The following MERTK variants were observed in gnomAD, a reference collection of about 807,000 sequenced individuals.
The protein encoded by MERTK is MER proto-oncogene, tyrosine kinase.
In MERTK, 69 loss-of-function variants were observed where a neutral mutation model predicts 99.3. The observed-to-expected ratio is 0.70, with a 90% CI of 0.57 to 0.85. The LOEUF is 0.85. MERTK is among the 40% of genes least tolerant of loss of function. MERTK has a pLI of 0.00. For synonymous variants in MERTK, 426 were observed against 467.6 expected (o/e 0.91, Z 1.15); for missense variants, 1,125 against 1,249.4 (o/e 0.90, Z 1.50).
At chr2:111,947,269 T>TGCCC in intron 3 of MERTK, 125 bp from the exon 4 acceptor site, 9 of 635,400 alleles carry the variant, frequency 1.4e-5, no homozygotes, top group Non-Finnish European at 2.2e-5. Context: ...CAAGACTCCA[T>TGCCC]CCCCACCCGC....
chr2:111,963,858 A>G (rs1386433879), intron 4 of MERTK, among the ~76,000 whole-genome samples: 2 of 151,882 alleles, frequency 1.3e-5, no homozygotes, highest in Non-Finnish European at 2.9e-5. Flanking sequence ...ATGTCCCACA[A>G]TTTAGAACTG....
chr2:111,918,304 C>T (rs1479105150), intron 1 of MERTK, among the ~76,000 whole-genome samples: 1 of 152,200 alleles, frequency 6.6e-6, no homozygotes, highest in East Asian at 1.9e-4. Context: ...GAGATAGTCA[C>T]ATTTTAAAAG....
intron 1 of MERTK, among the ~76,000 whole-genome samples, chr2:111,918,414 A>G (rs557245520): frequency 6.6e-6 from 1 of 152,250 alleles, no homozygotes; most frequent in South Asian, 2.1e-4. Flanking sequence ...GGAAAAGTTA[A>G]CATGAACTGA....
At chr2:112,010,742 A>G (rs1047431256) in intron 15 of MERTK, among the ~76,000 whole-genome samples, 5 of 152,262 alleles carry the variant, frequency 3.3e-5, no homozygotes, top group African/African-American at 9.6e-5. Flanking sequence ...AGGCCTCCTT[A>G]TCTGAAACAA....
chr2:111,984,363 G>A (rs1017233643), intron 8 of MERTK, among the ~76,000 whole-genome samples: 3 of 152,120 alleles, frequency 2.0e-5, no homozygotes, highest in Non-Finnish European at 1.5e-5. Flanking sequence ...CCACATAGCT[G>A]GGCACCTCTG....
intron 8 of MERTK, among the ~76,000 whole-genome samples, chr2:111,990,215 T>C (rs990698171): frequency 2.0e-5 from 3 of 152,216 alleles, no homozygotes; most frequent in African/African-American, 7.2e-5. Flanking sequence ...ATTACATCCA[T>C]TTTAAAAAAA....
chr2:112,003,781 C>A, intron 12 of MERTK, 123 bp from the exon 13 acceptor site: 1 of 872,980 alleles, frequency 1.1e-6, no homozygotes, highest in Non-Finnish European at 1.9e-6. Context: ...GCAGGCTCTG[C>A]CTGGCTGCCC....
intron 8 of MERTK, among the ~76,000 whole-genome samples, chr2:111,991,939 T>C (rs893995396): frequency 2.0e-5 from 3 of 152,168 alleles, no homozygotes; most frequent in Admixed American, 6.5e-5. Context: ...TCTTTCGCTA[T>C]AATGTTTGGG....
intron 4 of MERTK, 77 bp from the exon 5 acceptor site, chr2:111,965,114 C>G (rs1272209384): frequency 7.5e-7 from 1 of 1,340,082 alleles, no homozygotes; most frequent in Non-Finnish European, 1.1e-6. Context: ...TAAAATAATA[C>G]AAAGACAACC....
In MERTK at chr2:111,929,580, A is replaced by ATATTTATT. The variant is rs70962966; in HGVS notation, c.482+51_482+58dup. 0.01 allele frequency: 11,040 copies of ATATTTATT among 1,089,986 alleles called. 850 individuals are homozygous for ATATTTATT. The African/African-American group carries it at 0.15, about 15-fold the overall frequency. The allele number at this position is 1,089,986 out of a possible 1,614,324, so 67.5% of individuals were successfully genotyped here. Reference sequence around the variant, plus strand: ...TTCCTTTTTTATTTTTTTAGTTTTAATATTTATTTATTTATTTACTTATTG... The same window carrying ATATTTATT: ...TTCCTTTTTTATTTTTTTAGTTTTAATATTTATTTATTTATTTATTTATTTACTTATTG... On this transcript the variant is annotated intron_variant, in intron 2 of 18. Transcript: ENST00000295408.
Position 112,028,841 on chromosome 2 carries a change from G to A in MERTK, c.2977G>A (p.Glu993Lys). Residue 993 changes from glutamate to lysine, a missense_variant, in exon 19 of 19, where the codon GAA (glutamate) becomes AAA (lysine). Physicochemically the swap from Glu to Lys is moderately conservative, Grantham distance 56. Transcript: ENST00000295408. ...DELLFADDSS[E>K]GSEVLM Reference sequence around the variant, plus strand: ...ACTTTTGTTTGCTGACGACTCCTCAGAAGGCTCAGAAGTCCTGATGTGAGG... The same window carrying A: ...ACTTTTGTTTGCTGACGACTCCTCAAAAGGCTCAGAAGTCCTGATGTGAGG... 1 of 1,613,942 alleles carries A rather than the reference G, an allele frequency of 6.2e-7. No individual in the cohort carries two copies. The highest frequency in any genetic ancestry group is 8.5e-7 in the Non-Finnish European group (1 of 1,180,026).
intron 15 of MERTK, among the ~76,000 whole-genome samples, chr2:112,010,837 C>G (rs1425106275): frequency 1.3e-5 from 2 of 152,210 alleles, no homozygotes; most frequent in African/African-American, 4.8e-5. Flanking sequence ...CCCAGCTAAG[C>G]AGGACGCCCC....
At chr2:112,024,895 A>C (rs1441615842) in intron 18 of MERTK, 2 of 154,188 alleles carry the variant, frequency 1.3e-5, no homozygotes, top group African/African-American at 4.8e-5. Context: ...GTGCCACCAG[A>C]CTCCAGCCTG....
chr2:111,969,658 C>A (rs1223316431), intron 6 of MERTK, among the ~76,000 whole-genome samples: 1 of 151,562 alleles, frequency 6.6e-6, no homozygotes, highest in Non-Finnish European at 1.5e-5. Flanking sequence ...CGTAAAATAG[C>A]CTCCGCCCTC....
chr2:111,986,876 G>T (rs1676488408), intron 8 of MERTK, among the ~76,000 whole-genome samples: 2 of 152,180 alleles, frequency 1.3e-5, no homozygotes, highest in African/African-American at 4.8e-5. Flanking sequence ...ATTCTCTGAT[G>T]CAGCTAAGTT....
At chr2:111,956,115 T>TA (rs954995406) in intron 4 of MERTK, among the ~76,000 whole-genome samples, 16 of 147,486 alleles carry the variant, frequency 1.1e-4, no homozygotes, top group South Asian at 4.3e-4. Flanking sequence ...CTTAAAGTAT[T>TA]AAAAAAAAAA....
intron 2 of MERTK, among the ~76,000 whole-genome samples, chr2:111,937,535 C>T (rs1169762969): frequency 1.3e-5 from 2 of 152,154 alleles, no homozygotes; most frequent in East Asian, 3.8e-4. Context: ...TCCATGCAGG[C>T]TCCTGGTACT....
At chr2:111,981,333 AT>A (rs911556146) in intron 7 of MERTK, among the ~76,000 whole-genome samples, 2 of 152,118 alleles carry the variant, frequency 1.3e-5, no homozygotes, top group East Asian at 1.9e-4. Context: ...CCCCCATTGG[AT>A]TTTTTTATAT....
chr2:111,985,727 CGAGACTCACTGTCAA>C (rs768117629), intron 8 of MERTK, among the ~76,000 whole-genome samples: 1 of 152,042 alleles, frequency 6.6e-6, no homozygotes, highest in Non-Finnish European at 1.5e-5. Flanking sequence ...TAGGATCTCA[CGAGACTCACTGTCAA>C]GAGAACAGCA....
Sources: gnomAD v4.1 joint callset for allele counts (sites outside exome capture counted in the v4.1 genomes callset) on GRCh38, gnomAD v4.1.1 for gene constraint, MANE v1.5 for transcripts, NCBI Gene and HGNC (gene_info 2026-07-23, HGNC 2026-07-21) for gene names.